Variants in AGBL4 observed in about 807,000 individuals in gnomAD.
AGBL4 encodes the protein cytosolic carboxypeptidase 6.
A neutral mutation model predicts 66.4 loss-of-function variants in AGBL4; 58 were observed. That is an observed-to-expected ratio of 0.87 (90% confidence interval 0.71 to 1.09). The LOEUF is 1.09. AGBL4 is among the 50% of genes least tolerant of loss of function. The pLI is 0.00. For missense variants in AGBL4, 579 were observed against 631.0 expected (o/e 0.92, Z 0.88); for synonymous variants, 234 against 222.9 (o/e 1.05, Z -0.44).
intron 1 of AGBL4, among the ~76,000 whole-genome samples, chr1:49,965,440 G>A (rs1472568098): frequency 6.6e-6 from 1 of 152,110 alleles, no homozygotes; most frequent in Non-Finnish European, 1.5e-5. Context: ...AGGCAAACTG[G>A]CACTCAATCC....
chr1:49,484,396 A>G (rs1386846974), intron 3 of AGBL4, among the ~76,000 whole-genome samples: 1 of 152,170 alleles, frequency 6.6e-6, no homozygotes, highest in Non-Finnish European at 1.5e-5. Context: ...GTACATATAC[A>G]CAATGGAGTA....
In AGBL4 at chr1:48,893,386, T is replaced by C. The variant is rs186294118; in HGVS notation, c.595-26156A>G. 5.5e-3 allele frequency among the ~76,000 whole-genome samples: 839 copies of C among 151,954 alleles called. 7 individuals are homozygous for C. The highest frequency in any genetic ancestry group is 6.8e-3 in the Non-Finnish European group (463 of 67,920). On this transcript the variant is annotated intron_variant, in intron 5 of 13. Transcript: ENST00000371839. Reference sequence around the variant, plus strand: ...CTTATGAATGAGATTAGTGCCCTTATAAAAAAGACTCCAGGCCGGGCGTGG... The same window carrying C: ...CTTATGAATGAGATTAGTGCCCTTACAAAAAAGACTCCAGGCCGGGCGTGG...
intron 3 of AGBL4, among the ~76,000 whole-genome samples, chr1:49,257,911 C>T (rs958726658): frequency 6.6e-6 from 1 of 152,164 alleles, no homozygotes; most frequent in Non-Finnish European, 1.5e-5. Flanking sequence ...GGAGGCACCC[C>T]CCAGTAGGGG....
chr1:48,670,400 C>T (rs1335318601), intron 6 of AGBL4, among the ~76,000 whole-genome samples: 1 of 152,254 alleles, frequency 6.6e-6, no homozygotes, highest in South Asian at 2.1e-4. Context: ...TCTCACTACA[C>T]TGGGCTGCCT....
intron 4 of AGBL4, among the ~76,000 whole-genome samples, chr1:49,082,646 A>G (rs1644828455): frequency 6.6e-6 from 1 of 152,166 alleles, no homozygotes; most frequent in Non-Finnish European, 1.5e-5. Flanking sequence ...TTAAGGTGAG[A>G]TTTGGGTGGG....
intron 11 of AGBL4, among the ~76,000 whole-genome samples, chr1:48,557,212 T>C (rs1481415267): frequency 1.3e-5 from 2 of 152,228 alleles, no homozygotes; most frequent in Non-Finnish European, 2.9e-5. Context: ...AGTTAAATAT[T>C]TTCTATGTGA....
At chr1:49,567,050 C>T (rs1317632609) in intron 3 of AGBL4, among the ~76,000 whole-genome samples, 1 of 152,226 alleles carries the variant, frequency 6.6e-6, no homozygotes, top group Non-Finnish European at 1.5e-5. Flanking sequence ...TGATCTCAGA[C>T]TGCCGTGCTA....
At chr1:48,738,136 T>A (rs1455954710) in intron 6 of AGBL4, among the ~76,000 whole-genome samples, 2 of 152,156 alleles carry the variant, frequency 1.3e-5, no homozygotes, top group Non-Finnish European at 2.9e-5. Flanking sequence ...AGTTAGGCAG[T>A]CAGGTCAGCC....
intron 9 of AGBL4, among the ~76,000 whole-genome samples, chr1:48,628,005 A>G (rs72901108): frequency 0.017 from 2,623 of 151,914 alleles, 68 homozygotes; most frequent in African/African-American, 0.06. Flanking sequence ...CCTTTGATCC[A>G]CTCTCCACAC....
At chr1:49,543,986 C>T (rs1652277944) in intron 3 of AGBL4, among the ~76,000 whole-genome samples, 1 of 152,202 alleles carries the variant, frequency 6.6e-6, no homozygotes, top group African/African-American at 2.4e-5. Flanking sequence ...AAAATTCCCA[C>T]CCACAGAGGA....
intron 3 of AGBL4, among the ~76,000 whole-genome samples, chr1:49,587,256 G>A (rs1308399405): frequency 3.9e-5 from 5 of 129,468 alleles, no homozygotes; most frequent in African/African-American, 1.4e-4. Flanking sequence ...CAAAACAGAA[G>A]AAAAGAAAGA....
chr1:49,439,640 A>G (rs1645980599), intron 3 of AGBL4, among the ~76,000 whole-genome samples: 1 of 152,130 alleles, frequency 6.6e-6, no homozygotes, highest in African/African-American at 2.4e-5. Context: ...ACTCACCCTT[A>G]ATCTGGGTGG....
intron 3 of AGBL4, among the ~76,000 whole-genome samples, chr1:49,291,434 A>G (rs968673182): frequency 6.6e-5 from 10 of 152,242 alleles, no homozygotes; most frequent in Admixed American, 1.3e-4. Context: ...ATCAACTATT[A>G]TCACAGAAAA....
At chr1:49,457,771 C>A (rs1344711965) in intron 3 of AGBL4, among the ~76,000 whole-genome samples, 1 of 151,696 alleles carries the variant, frequency 6.6e-6, no homozygotes, top group East Asian at 1.9e-4. Context: ...TTTCATTCTT[C>A]TCAAGTGGCT....
chr1:48,752,133 C>T (rs1279495284), intron 6 of AGBL4, among the ~76,000 whole-genome samples: 1 of 152,212 alleles, frequency 6.6e-6, no homozygotes, highest in Non-Finnish European at 1.5e-5. Context: ...GCCTTACCTC[C>T]ACAAGGGAGA....
At chr1:49,832,446 A>G (rs34280445) in intron 2 of AGBL4, among the ~76,000 whole-genome samples, 57,905 of 143,570 alleles carry the variant, frequency 0.4, 14,102 homozygotes, top group Non-Finnish European at 0.55. Flanking sequence ...GAATAGTGCC[A>G]CAATAAACAT....
intron 2 of AGBL4, among the ~76,000 whole-genome samples, chr1:49,722,904 G>T (rs967324397): frequency 6.6e-6 from 1 of 151,988 alleles, no homozygotes; most frequent in East Asian, 1.9e-4. Flanking sequence ...GCCCAGAGAG[G>T]TACTGAAATG....
At chr1:50,019,306 T>TCTCTCACA (rs1167835143) in intron 1 of AGBL4, among the ~76,000 whole-genome samples, 7,930 of 48,390 alleles carry the variant, frequency 0.16, 992 homozygotes, top group Non-Finnish European at 0.22. Flanking sequence ...TCTCTCTCTC[T>TCTCTCACA]CACACACACA....
At chr1:48,759,278 C>T in intron 6 of AGBL4, 1 of 1,555,188 alleles carries the variant, frequency 6.4e-7, no homozygotes, top group Non-Finnish European at 8.7e-7. Context: ...TTCCGCCCCT[C>T]AGGTCTCTGT....
Sources: gnomAD v4.1 joint callset for allele counts (sites outside exome capture counted in the v4.1 genomes callset) on GRCh38, gnomAD v4.1.1 for gene constraint, MANE v1.5 for transcripts, NCBI Gene and HGNC (gene_info 2026-07-23, HGNC 2026-07-21) for gene names.